Variants in PPA2 observed in about 807,000 individuals in gnomAD.
The protein encoded by PPA2 is inorganic pyrophosphatase 2, mitochondrial.
In PPA2, 48 loss-of-function variants were observed where a neutral mutation model predicts 49.5. The ratio of observed to expected loss-of-function variants is 0.97; its 90% confidence interval spans 0.77 to 1.23. The LOEUF is 1.23. Among genes scored for constraint, PPA2 ranks in the 50% most tolerant of loss-of-function variants. PPA2 has a pLI of 0.00. For synonymous variants in PPA2, 131 were observed against 139.9 expected (o/e 0.94, Z 0.45); for missense variants, 429 against 410.1 (o/e 1.05, Z -0.40).
At chr4:105,450,582 G>T (rs1722624561) in intron 3 of PPA2, among the ~76,000 whole-genome samples, 1 of 139,068 alleles carries the variant, frequency 7.2e-6, no homozygotes, top group Non-Finnish European at 1.5e-5. Context: ...CACTATGCTG[G>T]CCAGGCTGGT....
intron 6 of PPA2, among the ~76,000 whole-genome samples, chr4:105,428,778 C>T (rs886955171): frequency 5.9e-5 from 9 of 152,018 alleles, no homozygotes; most frequent in African/African-American, 2.2e-4. Flanking sequence ...CGTAACAAAA[C>T]TGCACGTTTT....
chr4:105,471,999 A>G (rs907849159), intron 1 of PPA2, among the ~76,000 whole-genome samples: 1 of 152,212 alleles, frequency 6.6e-6, no homozygotes, highest in Non-Finnish European at 1.5e-5. Context: ...TTTGCAGCTA[A>G]AGAAACAAAC....
At chr4:105,409,903 T>C (rs1041468866) in intron 7 of PPA2, among the ~76,000 whole-genome samples, 1 of 152,304 alleles carries the variant, frequency 6.6e-6, no homozygotes, top group African/African-American at 2.4e-5. Flanking sequence ...AAACCCCATC[T>C]GTAGCTCACC....
intron 7 of PPA2, among the ~76,000 whole-genome samples, chr4:105,413,089 C>T (rs540313772): frequency 1.3e-5 from 2 of 152,308 alleles, no homozygotes; most frequent in South Asian, 2.1e-4. Context: ...CCCAAATGTC[C>T]ATCAATGATA....
intron 5 of PPA2, among the ~76,000 whole-genome samples, chr4:105,440,614 T>C (rs983538559): frequency 3.3e-5 from 5 of 152,214 alleles, no homozygotes; most frequent in Admixed American, 2.6e-4. Context: ...TTGTTAGTGC[T>C]CATTTACAAT....
At chr4:105,422,772 G>T (rs572561142) in intron 7 of PPA2, among the ~76,000 whole-genome samples, 2 of 152,286 alleles carry the variant, frequency 1.3e-5, no homozygotes, top group East Asian at 3.9e-4. Context: ...ACCAGCGCTT[G>T]TTATATGCTA....
chr4:105,450,598 A>ATTTTTT (rs1560637285), intron 3 of PPA2, among the ~76,000 whole-genome samples: 13 of 63,316 alleles, frequency 2.1e-4, no homozygotes, highest in Non-Finnish European at 3.2e-4. Context: ...CTGGTCTGGA[A>ATTTTTT]TTCTTTTTTT....
intron 8 of PPA2, chr4:105,398,321 T>G (rs1734226582): frequency 1.6e-5 from 2 of 127,876 alleles, no homozygotes; most frequent in African/African-American, 4.9e-5. Flanking sequence ...TCTTTTAATG[T>G]GCTTTCAAAA....
chr4:105,416,937 A>G (rs1220588684), intron 7 of PPA2, among the ~76,000 whole-genome samples: 1 of 152,232 alleles, frequency 6.6e-6, no homozygotes, highest in Admixed American at 6.5e-5. Context: ...AAACAAGGTA[A>G]TTCTACATAG....
chr4:105,418,059 T>C (rs1723091414), intron 7 of PPA2, among the ~76,000 whole-genome samples: 1 of 152,224 alleles, frequency 6.6e-6, no homozygotes, highest in Non-Finnish European at 1.5e-5. Context: ...AGATTAAACA[T>C]ATTCCAAAAG....
chr4:105,432,628 C>T (rs961289798), intron 6 of PPA2, among the ~76,000 whole-genome samples: 1 of 152,194 alleles, frequency 6.6e-6, no homozygotes, highest in Non-Finnish European at 1.5e-5. Context: ...GTCCAACCCA[C>T]GCGGCCTACG....
At chr4:105,408,007 G>A (rs1429360688) in intron 7 of PPA2, among the ~76,000 whole-genome samples, 1 of 152,140 alleles carries the variant, frequency 6.6e-6, no homozygotes, top group East Asian at 1.9e-4. Flanking sequence ...ATACCTCAAA[G>A]TGGGCTAAAA....
intron 7 of PPA2, chr4:105,405,692 A>T: frequency 1.1e-6 from 1 of 911,788 alleles, no homozygotes; most frequent in South Asian, 3.6e-5. Context: ...TTCGTGTTTC[A>T]ATGTACTCCC....
In PPA2 at chr4:105,396,213, T is replaced by TATAAA. The variant is rs70964660; in HGVS notation, c.869+35_869+36insTTTAT. 0.43 allele frequency: 559,440 copies of TATAAA among 1,301,456 alleles called. 128,055 individuals carry two copies. Among genetic ancestry groups the TATAAA allele is most frequent in the East Asian group, 0.7 (28,552 of 40,858 alleles). The allele number at this position is 1,301,456 out of a possible 1,614,324, so 80.6% of individuals were successfully genotyped here. A position where few individuals can be genotyped will look rare whatever the true frequency, so the allele number is the denominator to read the frequency against. On this transcript the variant is annotated intron_variant, in intron 9 of 11. Transcript: ENST00000341695. The stretch of plus-strand genomic sequence containing the variant: ...TATGTGGCTGTTTAATACCAATTAA[T>TATAAA]ATAACATTACTTACATAGAAAAGAC...
At chr4:105,432,075 T>C (rs1281096872) in intron 6 of PPA2, among the ~76,000 whole-genome samples, 1 of 152,232 alleles carries the variant, frequency 6.6e-6, no homozygotes, top group Non-Finnish European at 1.5e-5. Flanking sequence ...TTAAAATGGT[T>C]AATTTTATGT....
At chr4:105,388,752 G>A (rs1470118404) in intron 9 of PPA2, among the ~76,000 whole-genome samples, 1 of 151,344 alleles carries the variant, frequency 6.6e-6, no homozygotes, top group African/African-American at 2.4e-5. Flanking sequence ...TTGAACCTGG[G>A]TGGTGGAGGT....
chr4:105,412,963 C>T (rs1455804974), intron 7 of PPA2, among the ~76,000 whole-genome samples: 2 of 152,230 alleles, frequency 1.3e-5, no homozygotes, highest in Middle Eastern at 3.4e-3. Context: ...TACCATTTGA[C>T]CCAGAGATCC....
At chr4:105,434,145 G>C (rs906701253) in intron 6 of PPA2, among the ~76,000 whole-genome samples, 3 of 152,066 alleles carry the variant, frequency 2.0e-5, no homozygotes, top group African/African-American at 7.2e-5. Context: ...TCTAACATGG[G>C]CATTAACAGA....
chr4:105,370,699 C>T (rs964996306), intron 11 of PPA2, 138 bp downstream of exon 11: 1 of 1,158,618 alleles, frequency 8.6e-7, no homozygotes, highest in African/African-American at 1.6e-5. Context: ...ATTTTAGCGA[C>T]TATTTTAAAA....
Sources: gnomAD v4.1 joint callset for allele counts (sites outside exome capture counted in the v4.1 genomes callset) on GRCh38, gnomAD v4.1.1 for gene constraint, MANE v1.5 for transcripts, NCBI Gene and HGNC (gene_info 2026-07-23, HGNC 2026-07-21) for gene names.